NINL: variants seen among roughly 807,000 people sequenced by gnomAD.
NINL encodes ninein like.
NINL carries 153 observed loss-of-function variants against 160.3 expected under a neutral mutation model. The ratio of observed to expected loss-of-function variants is 0.95; its 90% CI spans 0.84 to 1.09. The LOEUF (loss-of-function observed/expected upper bound fraction) is 1.09, where lower values mean the gene tolerates loss of function less well. Ranked by LOEUF, NINL falls within the 50% of genes least tolerant of loss-of-function variation. NINL has a pLI of 0.00. For synonymous variants in NINL, 800 were observed against 734.8 expected (o/e 1.09, Z -1.43); for missense variants, 1,829 against 1,764.0 (o/e 1.04, Z -0.66).
At chr20:25,540,952 A>G (rs1249493383) in intron 1 of NINL, among the ~76,000 whole-genome samples, 2 of 151,726 alleles carry the variant, frequency 1.3e-5, no homozygotes, top group Admixed American at 6.6e-5. Flanking sequence ...TTTTTATCAA[A>G]TAAGGTTTAA....
At chr20:25,566,073 C>T (rs1046527219) in intron 1 of NINL, among the ~76,000 whole-genome samples, 2 of 152,220 alleles carry the variant, frequency 1.3e-5, no homozygotes, top group African/African-American at 2.4e-5. Flanking sequence ...CTGGACTTTT[C>T]GGCCTCCACA....
chr20:25,476,664 C>A lies in NINL; in HGVS notation c.2627G>T (p.Gly876Val). ...GRESEEAAGA[G>V]PRRRQAQDTE... ...GTCCTGGGCTTGCCTGCGGCGAGGC[C>A]CGGCTCCTGCCGCCTCCTCAGACTC... The change falls in exon 17 of 24, where the codon GGG becomes GTG. Residue 876 changes from glycine to valine, a missense_variant. By Grantham distance (109) the Gly-to-Val change is moderately radical. Transcript: ENST00000278886. 1 of 1,586,916 alleles carries A rather than the reference C, an allele frequency of 6.3e-7. No homozygotes were observed.
intron 1 of NINL, among the ~76,000 whole-genome samples, chr20:25,532,657 A>G (rs1568948431): frequency 6.6e-6 from 1 of 152,242 alleles, no homozygotes; most frequent in Non-Finnish European, 1.5e-5. Flanking sequence ...CCCAGAGAGC[A>G]GCTGCTTCAC....
At chr20:25,542,084 G>T (rs1036677206) in intron 1 of NINL, among the ~76,000 whole-genome samples, 1 of 152,206 alleles carries the variant, frequency 6.6e-6, no homozygotes, top group African/African-American at 2.4e-5. Context: ...GCACTCCTGG[G>T]GTGTCTGGCT....
In NINL at chr20:25,489,917, G is replaced by A. The variant is rs200824866; in HGVS notation, c.1554C>T (p.Ala518=). The change falls in exon 12 of 24, where the codon GCC becomes GCT. Residue 518 remains alanine, a synonymous_variant. Transcript: ENST00000278886. ...ACTCCAGGTCCTTCTGCAGCTTCAG[G>A]GCCAGCCTCTCCGAATCCGAAAGCT... ...VEKLSDSERL[A]LKLQKDLEFV... is the part of the protein sequence containing the mutation. The A allele has an allele frequency of 1.1e-5, 17 of 1,614,008 alleles. No homozygotes were observed. The highest frequency in any genetic ancestry group is 1.4e-5 in the Non-Finnish European group (16 of 1,180,040).
At chr20:25,580,099 G>A (rs1284635007) in intron 1 of NINL, among the ~76,000 whole-genome samples, 7 of 152,190 alleles carry the variant, frequency 4.6e-5, no homozygotes, top group South Asian at 2.1e-4. Context: ...TTGGGAGGCC[G>A]AGGCGGGTGG....
intron 1 of NINL, among the ~76,000 whole-genome samples, chr20:25,539,210 C>T (rs980040278): frequency 5.9e-5 from 9 of 152,216 alleles, no homozygotes; most frequent in Non-Finnish European, 1.2e-4. Context: ...CATGCTCCTG[C>T]TGCCAGGGTC....
intron 10 of NINL, among the ~76,000 whole-genome samples, chr20:25,495,368 G>A (rs1481964967): frequency 6.6e-6 from 1 of 152,194 alleles, no homozygotes; most frequent in African/African-American, 2.4e-5. Flanking sequence ...GCCACACCAC[G>A]TGGCTCCATC....
intron 2 of NINL, among the ~76,000 whole-genome samples, chr20:25,519,993 A>G (rs1281510270): frequency 1.5e-5 from 2 of 129,528 alleles, no homozygotes; most frequent in African/African-American, 7.1e-5. Flanking sequence ...CCGTCTCAAA[A>G]AAAAAAAAAA....
intron 1 of NINL, among the ~76,000 whole-genome samples, chr20:25,561,079 C>CCCT (rs2064930225): frequency 1.3e-5 from 2 of 150,468 alleles, no homozygotes; most frequent in African/African-American, 2.5e-5. Context: ...GTCTCCCTCT[C>CCCT]ATGCCGAGCC....
At chr20:25,579,683 A>C (rs2065151743) in intron 1 of NINL, among the ~76,000 whole-genome samples, 4 of 152,136 alleles carry the variant, frequency 2.6e-5, no homozygotes, top group Admixed American at 2.6e-4. Flanking sequence ...CTCATTCTTC[A>C]GAGAGGCACA....
Position 25,476,189 on chromosome 20 carries a change from G to T in NINL, c.3102C>A (p.Ser1034=). The T allele has an allele frequency of 6.2e-7, 1 of 1,614,208 alleles. No homozygotes were observed. The highest frequency in any genetic ancestry group is 8.5e-7 in the Non-Finnish European group (1 of 1,180,036). The part of the protein sequence containing the change: ...SHLQLADPQG[S]WQEQLAAPEE... ...CTGGGGCAGCAAGCTGCTCCTGCCA[G>T]GAACCCTGCGGGTCTGCGAGCTGGA... The change falls in exon 17 of 24, where the codon TCC becomes TCA. Residue 1034 remains serine, a synonymous_variant. Coordinates refer to ENST00000278886, the MANE Select transcript of NINL (RefSeq NM_025176.6).
chr20:25,557,918 C>T (rs2064887654), intron 1 of NINL, among the ~76,000 whole-genome samples: 1 of 147,440 alleles, frequency 6.8e-6, no homozygotes, highest in South Asian at 2.2e-4. Context: ...CACTTGAGGC[C>T]AAGAGTTTCA....
At chr20:25,569,906 C>T (rs2065035508) in intron 1 of NINL, among the ~76,000 whole-genome samples, 1 of 152,008 alleles carries the variant, frequency 6.6e-6, no homozygotes, top group African/African-American at 2.4e-5. Flanking sequence ...GTACTGCAGC[C>T]GGGCGTGGTG....
chr20:25,578,256 C>T lies in NINL; in HGVS notation c.-12+7199G>A, dbSNP rs112668758. 6.6e-3 allele frequency among the ~76,000 whole-genome samples: 989 copies of T among 150,364 alleles called. 16 individuals are homozygous for T. Among genetic ancestry groups the T allele is most frequent in the African/African-American group, 0.023 (948 of 40,878 alleles). On this transcript the variant is annotated intron_variant, in intron 1 of 23. Transcript: ENST00000278886. Reference sequence around the variant, plus strand: ...TGGCGTAGCTGGGATTACAGGTGTGCCCCACCACACCTGGCTAATTTTTCT... The same window carrying T: ...TGGCGTAGCTGGGATTACAGGTGTGTCCCACCACACCTGGCTAATTTTTCT...
At chr20:25,524,883 C>T (rs987693400) in intron 2 of NINL, among the ~76,000 whole-genome samples, 2 of 147,650 alleles carry the variant, frequency 1.4e-5, no homozygotes, top group Non-Finnish European at 3.0e-5. Flanking sequence ...ATCAATTCAG[C>T]AAGAGACAGA....
chr20:25,561,084 C>T lies in NINL; in HGVS notation c.-12+24371G>A, dbSNP rs1476526390. 6.3e-5 allele frequency among the ~76,000 whole-genome samples: 4 copies of T among 63,536 alleles called. No individual in the cohort carries two copies. The East Asian group carries it at 8.8e-4, about 14-fold the overall frequency. The allele number at this position is 63,536 out of a possible 152,430, so 41.7% of individuals were successfully genotyped here. On this transcript the variant is annotated intron_variant, in intron 1 of 23. Coordinates refer to ENST00000278886, the MANE Select transcript of NINL (RefSeq NM_025176.6). ...TCTTTCCACGGTCTCCCTCTCATGC[C>T]GAGCCGAAGCTGGACTGTGCTGCTG...
intron 1 of NINL, among the ~76,000 whole-genome samples, chr20:25,568,097 G>C (rs1295599389): frequency 1.3e-5 from 2 of 151,314 alleles, no homozygotes; most frequent in Non-Finnish European, 2.9e-5. Flanking sequence ...AAAACTGAAC[G>C]CAGAAAAGTA....
chr20:25,529,764 C>T (rs2064424426), intron 1 of NINL, among the ~76,000 whole-genome samples: 1 of 152,116 alleles, frequency 6.6e-6, no homozygotes, highest in Non-Finnish European at 1.5e-5. Flanking sequence ...CACCTAGAGG[C>T]CAGGAAGTCG....
Sources: allele counts gnomAD v4.1 joint callset (sites outside exome capture counted in the v4.1 genomes callset), GRCh38; gene constraint gnomAD v4.1.1; transcripts MANE v1.5; gene names NCBI Gene and HGNC (gene_info 2026-07-23, HGNC 2026-07-21).